TPRG1: variants seen among roughly 807,000 people sequenced by gnomAD.
The protein encoded by TPRG1 is tumor protein p63-regulated gene 1 protein.
Under a neutral mutation model 29.3 loss-of-function variants are expected in TPRG1, and 29 were observed. The observed-to-expected ratio is 0.99, with a 90% CI of 0.74 to 1.35. TPRG1 has a LOEUF of 1.35. Among genes scored for constraint, TPRG1 ranks in the 40% most tolerant of loss-of-function variants. The pLI is 0.00. For synonymous variants in TPRG1, 130 were observed against 116.8 expected (o/e 1.11, Z -0.73); for missense variants, 327 against 335.0 (o/e 0.98, Z 0.19).
chr3:189,206,206 A>C (rs1218479156), intron 1 of TPRG1, among the ~76,000 whole-genome samples: 4 of 144,754 alleles, frequency 2.8e-5, no homozygotes, highest in Non-Finnish European at 6.0e-5. Context: ...ATTATTTATA[A>C]TATTTTTTAA....
At chr3:189,115,836 G>A (rs1478313538) in intron 1 of TPRG1, among the ~76,000 whole-genome samples, 1 of 152,160 alleles carries the variant, frequency 6.6e-6, no homozygotes, top group Non-Finnish European at 1.5e-5. Flanking sequence ...TTCTCTGTGA[G>A]ACTTCTTGGG....
intron 4 of TPRG1, among the ~76,000 whole-genome samples, chr3:189,034,606 T>A (rs540466940): frequency 6.6e-6 from 1 of 152,284 alleles, no homozygotes; most frequent in South Asian, 2.1e-4. Context: ...TAAAAATTGT[T>A]AGTTTAAACA....
At chr3:189,056,453 C>T (rs1258239844) in intron 4 of TPRG1, among the ~76,000 whole-genome samples, 1 of 152,000 alleles carries the variant, frequency 6.6e-6, no homozygotes, top group Admixed American at 6.6e-5. Context: ...GTGATTCCTA[C>T]CAGGCAGAGT....
intron 1 of TPRG1, among the ~76,000 whole-genome samples, chr3:189,192,017 C>T (rs1215442863): frequency 1.3e-5 from 2 of 152,084 alleles, no homozygotes; most frequent in Non-Finnish European, 2.9e-5. Context: ...TTGTGGGGAT[C>T]CAGGAGGGAC....
chr3:189,087,094 A>G (rs1044634205), intron 4 of TPRG1, among the ~76,000 whole-genome samples: 26 of 152,192 alleles, frequency 1.7e-4, no homozygotes, highest in Non-Finnish European at 3.1e-4. Flanking sequence ...TGTCTTCCAC[A>G]GTGGTGGAAC....
At chr3:189,302,073 G>A (rs1207530453) in intron 4 of TPRG1, among the ~76,000 whole-genome samples, 5 of 152,044 alleles carry the variant, frequency 3.3e-5, no homozygotes, top group Non-Finnish European at 5.9e-5. Context: ...TTTCTTATGT[G>A]GATCTTTGTT....
At position 189,229,633 on chromosome 3, in the gene TPRG1, G is replaced by A. The variant is rs74864920; in HGVS notation, c.303-9100G>A. On this transcript the variant is annotated intron_variant, in intron 3 of 5. Coordinates refer to ENST00000345063, the MANE Select transcript of TPRG1 (RefSeq NM_198485.4). ...AGGAATGAATATTTATGGTAGCAGA[G>A]GGCGCACACCAGTCAGGAGGAAACA... Among the ~76,000 whole-genome samples the A allele has an allele frequency of 5.6e-3, 860 of 152,284 alleles. 6 individuals carry two copies. The highest frequency in any genetic ancestry group is 0.02 in the African/African-American group (826 of 41,556).
chr3:189,200,994 C>G (rs942065537), intron 1 of TPRG1, among the ~76,000 whole-genome samples: 11 of 152,144 alleles, frequency 7.2e-5, no homozygotes, highest in Admixed American at 1.3e-4. Flanking sequence ...CCTTTTTACC[C>G]TTTTCATTTC....
At chr3:189,067,042 AAAG>A (rs1458223158) in intron 4 of TPRG1, among the ~76,000 whole-genome samples, 2 of 152,300 alleles carry the variant, frequency 1.3e-5, no homozygotes, top group East Asian at 3.9e-4. Context: ...CAATCTGAAA[AAAG>A]AAATCAGGAA....
rs906271730 is a variant in TPRG1 at position 189,203,807 on chromosome 3, T to A, written c.-9-3569T>A. ...CTATAATCCCAGGACTTTGGGAGAC[T>A]GAGGCGGGTGGATCACGAGGTCCAG... On this transcript the variant is annotated intron_variant, in intron 1 of 5. Coordinates refer to ENST00000345063, the MANE Select transcript of TPRG1 (RefSeq NM_198485.4). 8.5e-5 allele frequency among the ~76,000 whole-genome samples: 13 copies of A among 152,212 alleles called. 2 individuals are homozygous for A. Among genetic ancestry groups the A allele is most frequent in the South Asian group, 8.3e-4 (4 of 4,822 alleles).
chr3:189,134,407 T>G (rs1578474804), intron 3 of TPRG1, among the ~76,000 whole-genome samples: 1 of 63,116 alleles, frequency 1.6e-5, no homozygotes, highest in South Asian at 6.9e-4. Context: ...GGTATCCTTT[T>G]TTTTTTTTTT....
chr3:189,069,301 A>G (rs1716664282), intron 4 of TPRG1, among the ~76,000 whole-genome samples: 1 of 152,236 alleles, frequency 6.6e-6, no homozygotes, highest in African/African-American at 2.4e-5. Flanking sequence ...TTTAAAATAC[A>G]TACTTTTAGA....
At chr3:189,088,790 T>G (rs1200463567) in intron 4 of TPRG1, among the ~76,000 whole-genome samples, 1 of 152,136 alleles carries the variant, frequency 6.6e-6, no homozygotes, top group Non-Finnish European at 1.5e-5. Flanking sequence ...TGCACTTGAA[T>G]TAGGAGGTCA....
At chr3:189,157,186 A>T (rs7620702) in intron 5 of TPRG1, among the ~76,000 whole-genome samples, 1 of 152,058 alleles carries the variant, frequency 6.6e-6, no homozygotes. Context: ...TTTGTTATGC[A>T]TCTTAGAGAG....
At chr3:189,276,416 G>C (rs1418889973) in intron 4 of TPRG1, among the ~76,000 whole-genome samples, 1 of 152,120 alleles carries the variant, frequency 6.6e-6, no homozygotes, top group African/African-American at 2.4e-5. Context: ...AGGAGAAGCT[G>C]GTTTCAAAGG....
chr3:189,004,516 T>C (rs1349530244), intron 2 of TPRG1: 2 of 152,184 alleles, frequency 1.3e-5, no homozygotes, highest in Non-Finnish European at 2.9e-5. Flanking sequence ...GATAAAACTC[T>C]TCCTTATGTG....
chr3:189,046,633 C>T (rs1240399148), intron 4 of TPRG1, among the ~76,000 whole-genome samples: 1 of 151,986 alleles, frequency 6.6e-6, no homozygotes, highest in Non-Finnish European at 1.5e-5. Flanking sequence ...TAAAAGATTT[C>T]CTGGATTCTT....
rs141410891 is a variant in TPRG1, at chr3:189,280,643, G to C, written c.480-29743G>C. Among the ~76,000 whole-genome samples, 697 of 152,248 alleles carry C rather than the reference G, an allele frequency of 4.6e-3. 2 individuals carry two copies. The highest frequency in any genetic ancestry group is 0.016 in the African/African-American group (658 of 41,542). ...GAAGCTTGGGGAAGGTAAAGGGAAGGTGATTGCCATAACAGAAAGAACACA... is the reference window on the plus strand; with the variant it reads ...GAAGCTTGGGGAAGGTAAAGGGAAGCTGATTGCCATAACAGAAAGAACACA... On this transcript the variant is annotated intron_variant, in intron 4 of 5. Coordinates refer to ENST00000345063, the MANE Select transcript of TPRG1 (RefSeq NM_198485.4).
chr3:189,116,409 C>G (rs1721178762), intron 1 of TPRG1, among the ~76,000 whole-genome samples: 1 of 152,092 alleles, frequency 6.6e-6, no homozygotes, highest in South Asian at 2.1e-4. Context: ...GAACTCCTGA[C>G]CTCGTGATCC....
Sources: gnomAD v4.1 joint callset for allele counts (sites outside exome capture counted in the v4.1 genomes callset) on GRCh38, gnomAD v4.1.1 for gene constraint, MANE v1.5 for transcripts, NCBI Gene and HGNC (gene_info 2026-07-23, HGNC 2026-07-21) for gene names.